The following ZNF704 variants were observed in gnomAD, a reference collection of about 807,000 sequenced individuals.
ZNF704 encodes the protein glucocorticoid induced gene 1.
A neutral mutation model predicts 44.7 loss-of-function variants in ZNF704; 10 were observed. The observed-to-expected ratio is 0.22, with a 90% CI of 0.14 to 0.38. The LOEUF is 0.38. ZNF704 is among the 10% of genes least tolerant of loss of function. The probability of loss-of-function intolerance (pLI) is 1.00; values close to 1 mark genes in which losing one functional copy is unlikely to be tolerated. For missense variants in ZNF704, 390 were observed against 545.5 expected (o/e 0.71, Z 2.84); for synonymous variants, 211 against 207.6 (o/e 1.02, Z -0.14).
chr8:80,791,467 G>A (rs1286864338), intron 2 of ZNF704, among the ~76,000 whole-genome samples: 1 of 152,208 alleles, frequency 6.6e-6, no homozygotes, highest in Non-Finnish European at 1.5e-5. Flanking sequence ...TGCAGGAAAT[G>A]CTTAGAAGTT....
chr8:80,866,093 T>C (rs1563582185), intron 1 of ZNF704, among the ~76,000 whole-genome samples: 1 of 152,236 alleles, frequency 6.6e-6, no homozygotes, highest in South Asian at 2.1e-4. Context: ...ACTCATCTTT[T>C]AACCAGCTAT....
At chr8:80,834,039 A>G (rs771037673) in intron 1 of ZNF704, among the ~76,000 whole-genome samples, 2 of 152,044 alleles carry the variant, frequency 1.3e-5, no homozygotes, top group African/African-American at 4.8e-5. Context: ...AATGTCAGAA[A>G]TCCTACTAGC....
chr8:80,691,928 C>G (rs974022837), intron 3 of ZNF704, among the ~76,000 whole-genome samples: 3 of 152,184 alleles, frequency 2.0e-5, no homozygotes, highest in African/African-American at 7.2e-5. Flanking sequence ...CACCCTCCTG[C>G]TCACTCTCTC....
chr8:80,820,862 C>T (rs569529004), intron 2 of ZNF704, among the ~76,000 whole-genome samples: 19 of 152,150 alleles, frequency 1.2e-4, no homozygotes, highest in Non-Finnish European at 2.5e-4. Context: ...GCTACCTTTG[C>T]GTCACTGCAC....
At chr8:80,876,874 T>C (rs1586093811), upstream of ZNF704, among the ~76,000 whole-genome samples, 1 of 152,228 alleles carries the variant, frequency 6.6e-6, no homozygotes, top group South Asian at 2.1e-4. Context: ...ACTAGCAAAA[T>C]GTGCTTTTAA....
intron 2 of ZNF704, among the ~76,000 whole-genome samples, chr8:80,701,220 G>A (rs144139083): frequency 1.8e-3 from 276 of 152,058 alleles, no homozygotes; most frequent in African/African-American, 6.5e-3. Context: ...TCTGCTGGCC[G>A]GGCCCATCCT....
At chr8:80,669,813 G>A (rs764936446) in intron 5 of ZNF704, among the ~76,000 whole-genome samples, 11 of 152,108 alleles carry the variant, frequency 7.2e-5, no homozygotes, top group Non-Finnish European at 1.2e-4. Context: ...CAAGACTGAC[G>A]GAATACCACT....
intron 2 of ZNF704, among the ~76,000 whole-genome samples, chr8:80,807,331 G>C (rs1202463932): frequency 6.6e-6 from 1 of 152,090 alleles, no homozygotes; most frequent in Non-Finnish European, 1.5e-5. Context: ...CTGCTGAGTA[G>C]AGTCTGCCAT....
At chr8:80,815,549 T>C (rs2129857474) in intron 2 of ZNF704, among the ~76,000 whole-genome samples, 1 of 152,308 alleles carries the variant, frequency 6.6e-6, no homozygotes, top group African/African-American at 2.4e-5. Context: ...GGACAATAAG[T>C]AATAATTGAC....
chr8:80,749,601 A>G (rs1806906858), intron 2 of ZNF704: 1 of 153,312 alleles, frequency 6.5e-6, no homozygotes. Context: ...CCCAACTACC[A>G]AAAATTACGC....
intron 5 of ZNF704, among the ~76,000 whole-genome samples, chr8:80,669,566 C>G (rs1227043138): frequency 6.6e-6 from 1 of 152,208 alleles, no homozygotes; most frequent in East Asian, 1.9e-4. Flanking sequence ...CTATTTTCAC[C>G]TTCTGCCTAT....
At chr8:80,790,844 G>T (rs1807692334) in intron 2 of ZNF704, among the ~76,000 whole-genome samples, 1 of 152,128 alleles carries the variant, frequency 6.6e-6, no homozygotes, top group Admixed American at 6.6e-5. Flanking sequence ...AAAGTGAGAA[G>T]AGGAAATGTT....
At chr8:80,710,148 C>T (rs1002313342) in intron 2 of ZNF704, among the ~76,000 whole-genome samples, 2 of 152,150 alleles carry the variant, frequency 1.3e-5, no homozygotes, top group Non-Finnish European at 2.9e-5. Context: ...TTCCTACCTC[C>T]TATCTTCCAG....
chr8:80,878,278 AAGG>A (rs1463079033), upstream of ZNF704, among the ~76,000 whole-genome samples: 4 of 150,864 alleles, frequency 2.7e-5, no homozygotes, highest in Non-Finnish European at 5.9e-5. Context: ...GGAAGGAAGG[AAGG>A]AAGGAAGGAA....
rs1461122716 is a variant in ZNF704 at position 80,631,334 on chromosome 8, G to C, written c.*10032C>G. ...CCATCTGTGCCCAAAACATAGGAAG[G>C]GGGCTCCAGTGGAGTGAGGGACAAG... On this transcript the variant is annotated 3_prime_UTR_variant, in exon 9 of 9. Transcript: ENST00000327835. 6.6e-6 allele frequency: 1 copy of C among 152,126 alleles called. No homozygotes were observed. Among genetic ancestry groups the C allele is most frequent in the Non-Finnish European group, 1.5e-5 (1 of 68,036 alleles). 9.4% of individuals were successfully genotyped at this position (152,126 alleles called of 1,614,324 possible).
chr8:80,658,334 G>T (rs1563508279), intron 7 of ZNF704, among the ~76,000 whole-genome samples: 1 of 151,668 alleles, frequency 6.6e-6, no homozygotes, highest in East Asian at 1.9e-4. Flanking sequence ...ATACAGAGTG[G>T]CTGTCTCAAA....
rs146925460 is a variant in ZNF704, at chr8:80,816,889, C to T, written c.221+4485G>A. Among the ~76,000 whole-genome samples the T allele has an allele frequency of 4.8e-3, 734 of 152,264 alleles. 4 individuals are homozygous for T. The highest frequency in any genetic ancestry group is 7.5e-3 in the Non-Finnish European group (513 of 68,018). The stretch of plus-strand genomic sequence containing the variant: ...ATCACGCTCAAAAAAGAAAGTAGTG[C>T]TTTTCCCTTGAAATCAATCAAGCAA... On this transcript the variant is annotated intron_variant, in intron 2 of 8. Coordinates refer to ENST00000327835, the MANE Select transcript of ZNF704 (RefSeq NM_001033723.3).
At chr8:80,865,453 C>T (rs1809139156) in intron 1 of ZNF704, among the ~76,000 whole-genome samples, 1 of 152,196 alleles carries the variant, frequency 6.6e-6, no homozygotes, top group African/African-American at 2.4e-5. Context: ...TCTCCTTTGA[C>T]TCAGCCTGTT....
At chr8:80,830,373 G>T (rs558669197) in intron 1 of ZNF704, among the ~76,000 whole-genome samples, 1 of 152,262 alleles carries the variant, frequency 6.6e-6, no homozygotes, top group East Asian at 1.9e-4. Flanking sequence ...ACAGAAGAAA[G>T]AAGCAAAAGG....
Sources: allele counts gnomAD v4.1 joint callset (sites outside exome capture counted in the v4.1 genomes callset), GRCh38; gene constraint gnomAD v4.1.1; transcripts MANE v1.5; gene names NCBI Gene and HGNC (gene_info 2026-07-23, HGNC 2026-07-21).